SORCS2: variants seen among roughly 807,000 people sequenced by gnomAD.
The protein encoded by SORCS2 is VPS10 domain-containing receptor SorCS2.
SORCS2 carries 100 observed loss-of-function variants against 141.6 expected under a neutral mutation model. The observed-to-expected ratio is 0.71, with a 90% CI of 0.60 to 0.83. The LOEUF (loss-of-function observed/expected upper bound fraction) is 0.83, where lower values mean the gene tolerates loss of function less well. SORCS2 is among the 40% of genes least tolerant of loss of function. The probability of loss-of-function intolerance (pLI) is 0.00; values close to 1 mark genes in which losing one functional copy is unlikely to be tolerated. For synonymous variants in SORCS2, 789 were observed against 676.9 expected (o/e 1.17, Z -2.57); for missense variants, 1,646 against 1,560.2 (o/e 1.05, Z -0.93).
chr4:7,707,534 A>C (rs1577099621), intron 14 of SORCS2, among the ~76,000 whole-genome samples: 1 of 152,316 alleles, frequency 6.6e-6, no homozygotes, highest in East Asian at 1.9e-4. Flanking sequence ...TGCCGCCTTC[A>C]ATTCAGTCCC....
At chr4:7,364,428 G>A (rs1311365069) in intron 1 of SORCS2, among the ~76,000 whole-genome samples, 1 of 152,178 alleles carries the variant, frequency 6.6e-6, no homozygotes, top group African/African-American at 2.4e-5. Context: ...TGGATCCAGA[G>A]TTCTTGCAAA....
chr4:7,224,401 C>T (rs1330490242), intron 1 of SORCS2, among the ~76,000 whole-genome samples: 1 of 152,204 alleles, frequency 6.6e-6, no homozygotes, highest in African/African-American at 2.4e-5. Context: ...GGGGCTGGGA[C>T]TGCCACCCCT....
chr4:7,312,216 G>A (rs1040000022), intron 1 of SORCS2, among the ~76,000 whole-genome samples: 34 of 152,320 alleles, frequency 2.2e-4, no homozygotes, highest in Non-Finnish European at 4.0e-4. Flanking sequence ...AAGAGCGTAA[G>A]TACTTCATTT....
At chr4:7,582,774 C>CT (rs1716247376) in intron 3 of SORCS2, among the ~76,000 whole-genome samples, 1 of 152,204 alleles carries the variant, frequency 6.6e-6, no homozygotes, top group African/African-American at 2.4e-5. Context: ...GCGTCTGCCC[C>CT]TATTTGAATG....
At chr4:7,296,567 C>T (rs1044503028) in intron 1 of SORCS2, among the ~76,000 whole-genome samples, 7 of 152,326 alleles carry the variant, frequency 4.6e-5, no homozygotes, top group African/African-American at 1.7e-4. Flanking sequence ...GCCACTCGCT[C>T]CTGCGAGGCA....
chr4:7,385,898 C>T (rs1036701382), intron 1 of SORCS2, among the ~76,000 whole-genome samples: 14 of 152,212 alleles, frequency 9.2e-5, no homozygotes, highest in Admixed American at 9.2e-4. Flanking sequence ...TGACCGAATG[C>T]TTCCACCAGC....
At chr4:7,527,613 A>G (rs1490649295) in intron 2 of SORCS2, among the ~76,000 whole-genome samples, 1 of 152,176 alleles carries the variant, frequency 6.6e-6, no homozygotes, top group Non-Finnish European at 1.5e-5. Flanking sequence ...CCAGAACTGT[A>G]GATAATGAAT....
At chr4:7,238,945 T>G (rs1183018655) in intron 1 of SORCS2, among the ~76,000 whole-genome samples, 1 of 152,220 alleles carries the variant, frequency 6.6e-6, no homozygotes, top group African/African-American at 2.4e-5. Context: ...CCTCTTCATC[T>G]GGGCCATCCG....
chr4:7,724,146 TC>T (rs1726821310), intron 19 of SORCS2, among the ~76,000 whole-genome samples: 4 of 128,530 alleles, frequency 3.1e-5, no homozygotes, highest in East Asian at 2.8e-4. Flanking sequence ...GTGGTGATGG[TC>T]GTGGTGGTGG....
chr4:7,569,201 C>G (rs1045183745), intron 3 of SORCS2, among the ~76,000 whole-genome samples: 3 of 152,176 alleles, frequency 2.0e-5, no homozygotes, highest in African/African-American at 4.8e-5. Context: ...AAGGCCTGTG[C>G]CTTGAAGAGC....
intron 3 of SORCS2, among the ~76,000 whole-genome samples, chr4:7,568,080 A>G (rs1325359157): frequency 1.3e-5 from 2 of 152,196 alleles, no homozygotes; most frequent in African/African-American, 2.4e-5. Context: ...CCATTTCTCC[A>G]AGGAGCTCTG....
intron 2 of SORCS2, among the ~76,000 whole-genome samples, chr4:7,444,887 GAA>G (rs1484611045): frequency 1.3e-5 from 2 of 152,276 alleles, no homozygotes; most frequent in African/African-American, 2.4e-5. Context: ...GCGAGAAAGA[GAA>G]GAGTCAGGAA....
intron 2 of SORCS2, among the ~76,000 whole-genome samples, chr4:7,448,377 G>T (rs1398811896): frequency 6.6e-6 from 1 of 151,752 alleles, no homozygotes; most frequent in Non-Finnish European, 1.5e-5. Flanking sequence ...GAAGGGTTTT[G>T]CCTGCCTGTC....
intron 3 of SORCS2, among the ~76,000 whole-genome samples, chr4:7,573,557 G>A (rs58046628): frequency 0.019 from 2,821 of 152,200 alleles, 100 homozygotes; most frequent in African/African-American, 0.063. Context: ...TCGCTCTGTC[G>A]CCCAGGCTGA....
intron 1 of SORCS2, among the ~76,000 whole-genome samples, chr4:7,394,930 A>G (rs1724109367): frequency 6.6e-6 from 1 of 150,652 alleles, no homozygotes; most frequent in African/African-American, 2.4e-5. Flanking sequence ...TAGGCTGTAC[A>G]AAATCCCCTC....
intron 2 of SORCS2, among the ~76,000 whole-genome samples, chr4:7,492,250 C>T (rs1362261611): frequency 6.6e-6 from 1 of 152,332 alleles, no homozygotes; most frequent in Non-Finnish European, 1.5e-5. Flanking sequence ...TCGCCCAGCC[C>T]CCGGTAACTA....
chr4:7,323,374 G>A (rs1343500956), intron 1 of SORCS2, among the ~76,000 whole-genome samples: 1 of 152,166 alleles, frequency 6.6e-6, no homozygotes, highest in African/African-American at 2.4e-5. Context: ...TGCTGGGATC[G>A]AGTGAAATAC....
intron 2 of SORCS2, among the ~76,000 whole-genome samples, chr4:7,527,073 C>T (rs182439175): frequency 4.7e-4 from 72 of 152,322 alleles, no homozygotes; most frequent in Admixed American, 8.5e-4. Flanking sequence ...CCCGACAATG[C>T]GGGTCCAGCC....
chr4:7,604,660 G>A (rs959977387), intron 3 of SORCS2, among the ~76,000 whole-genome samples: 1 of 152,194 alleles, frequency 6.6e-6, no homozygotes, highest in Admixed American at 6.5e-5. Flanking sequence ...CTCTTCTGTC[G>A]CCTTGTGAAG....
Sources: gnomAD v4.1 joint callset for allele counts (sites outside exome capture counted in the v4.1 genomes callset) on GRCh38, gnomAD v4.1.1 for gene constraint, MANE v1.5 for transcripts, NCBI Gene and HGNC (gene_info 2026-07-23, HGNC 2026-07-21) for gene names.